AKR1C4: variants seen among roughly 807,000 people sequenced by gnomAD.
AKR1C4 encodes aldo-keto reductase family 1 member C4, also known as 3-alpha-HSD1.
In AKR1C4, 44 loss-of-function variants were observed where a neutral mutation model predicts 41.0. The ratio of observed to expected loss-of-function variants is 1.07; its 90% CI spans 0.84 to 1.38. The LOEUF (loss-of-function observed/expected upper bound fraction) is 1.38. Among genes scored for constraint, AKR1C4 ranks in the 40% most tolerant of loss-of-function variants. The pLI is 0.00. For synonymous variants in AKR1C4, 165 were observed against 137.7 expected, an observed-to-expected ratio of 1.20 and a Z score of -1.39; for missense variants, 438 against 387.9, an observed-to-expected ratio of 1.13 and a Z score of -1.09.
intron 5 of AKR1C4, chr10:5,207,567 C>A: frequency 1.3e-6 from 1 of 786,864 alleles, no homozygotes; most frequent in Non-Finnish European, 2.0e-6. Flanking sequence ...AGAAACTAGA[C>A]TTGAAGAACT....
intron 7 of AKR1C4, among the ~76,000 whole-genome samples, chr10:5,213,559 C>T (rs901750074): frequency 6.6e-6 from 1 of 152,100 alleles, no homozygotes; most frequent in Non-Finnish European, 1.5e-5. Context: ...TGTTGAGTGC[C>T]TGTTGAAATC....
intron 1 of AKR1C4, 50 bp from the exon 2 acceptor site, chr10:5,200,131 A>G (rs1832374486): frequency 1.3e-6 from 2 of 1,568,868 alleles, no homozygotes; most frequent in Non-Finnish European, 1.7e-6. Context: ...CTGTTTCACT[A>G]CCTCTCAAGC....
intron 7 of AKR1C4, among the ~76,000 whole-genome samples, chr10:5,215,496 G>A (rs183556738): frequency 2.0e-5 from 3 of 152,282 alleles, no homozygotes; most frequent in East Asian, 1.9e-4. Flanking sequence ...GAGGCTTCAG[G>A]AAGCTTTAAG....
At position 5,202,503 on chromosome 10, in the gene AKR1C4, C is replaced by T. The variant is rs782175587; in HGVS notation, c.253-1874C>T. The stretch of plus-strand genomic sequence containing the variant: ...ATTTGGATTCCCTTTATTTTTTTTA[C>T]CTTGCCTGATTACTCTGGCTAGGAC... On this transcript the variant is annotated intron_variant, in intron 2 of 8. Coordinates refer to ENST00000263126, the MANE Select transcript of AKR1C4 (RefSeq NM_001818.5). 3.5e-5 allele frequency: 16 copies of T among 455,400 alleles called. 1 individual carries two copies. Among genetic ancestry groups the T allele is most frequent in the Middle Eastern group, 3.4e-4 (1 of 2,908 alleles). 28.2% of individuals were successfully genotyped at this position (455,400 alleles called of 1,614,324 possible). A position where few individuals can be genotyped will look rare whatever the true frequency, so the allele number is the denominator to read the frequency against.
At chr10:5,217,424 T>G (rs1458027688) in intron 8 of AKR1C4, among the ~76,000 whole-genome samples, 2 of 152,220 alleles carry the variant, frequency 1.3e-5, no homozygotes, top group Non-Finnish European at 2.9e-5. Context: ...TATGGAAATC[T>G]CAATGCAGAG....
rs1832694555 is a variant in AKR1C4 at position 5,218,788 on chromosome 10, A to G, written c.*28A>G. 1.3e-6 allele frequency: 2 copies of G among 1,589,162 alleles called. No individual in the cohort carries two copies. The highest frequency in any genetic ancestry group is 1.3e-5 in the African/African-American group (1 of 74,334). ...TAGAGGGTGTTGCACGACATCTAGCAGAAGGCCCTGTGTGTGGATGGTGAT... is the reference window on the plus strand; with the variant it reads ...TAGAGGGTGTTGCACGACATCTAGCGGAAGGCCCTGTGTGTGGATGGTGAT... On this transcript the variant is annotated 3_prime_UTR_variant, in exon 9 of 9. Coordinates refer to ENST00000263126, the MANE Select transcript of AKR1C4 (RefSeq NM_001818.5).
chr10:5,200,435 G>C, intron 2 of AKR1C4, 87 bp downstream of exon 2: 5 of 1,503,588 alleles, frequency 3.3e-6, no homozygotes, highest in Non-Finnish European at 4.4e-6. Context: ...CAGTAGTTGT[G>C]GGTGAATTGT....
intron 4 of AKR1C4, 42 bp from the exon 5 acceptor site, chr10:5,206,233 G>A (rs1832482696): frequency 1.9e-6 from 3 of 1,613,168 alleles, no homozygotes; most frequent in Non-Finnish European, 2.5e-6. Flanking sequence ...ATAATCTGCA[G>A]CCAACTGCAC....
Position 5,218,761 on chromosome 10 carries a change from C to T in AKR1C4, c.*1C>T, listed in dbSNP as rs782331775. 4 of 1,604,278 alleles carry T rather than the reference C, an allele frequency of 2.5e-6. 1 individual carries two copies. The South Asian group carries it at 4.4e-5, about 18-fold the overall frequency. ...TTATCCATTTTCAGATGAATATTAG[C>T]ATAGAGGGTGTTGCACGACATCTAG... On this transcript the variant is annotated 3_prime_UTR_variant, in exon 9 of 9. Transcript: ENST00000263126.
Position 5,205,825 on chromosome 10 carries a change from C to T in AKR1C4, c.438C>T (p.Ala146=). The T allele has an allele frequency of 6.2e-7, 1 of 1,612,666 alleles. No homozygotes were observed. Among genetic ancestry groups the T allele is most frequent in the Non-Finnish European group, 8.5e-7 (1 of 1,179,106 alleles). ...TATTCGACACAGTGGATCTCTCTGC[C>T]ACATGGGAGGTGAGTGCTTGGAGGA... is the stretch of plus-strand genomic sequence containing the variant. ...KVIFDTVDLS[A]TWEVMEKCKD... The change falls in exon 4 of 9, where the codon GCC becomes GCT. Residue 146 remains alanine (A), a synonymous_variant. Coordinates refer to ENST00000263126, the MANE Select transcript of AKR1C4 (RefSeq NM_001818.5).
intron 5 of AKR1C4, among the ~76,000 whole-genome samples, chr10:5,208,993 TG>T (rs1832530747): frequency 6.8e-6 from 1 of 146,676 alleles, no homozygotes. Flanking sequence ...AATTTAAGTT[TG>T]TGTAGATTAG....
intron 7 of AKR1C4, among the ~76,000 whole-genome samples, chr10:5,213,529 T>C (rs943209390): frequency 1.3e-5 from 2 of 152,240 alleles, no homozygotes; most frequent in African/African-American, 4.8e-5. Flanking sequence ...ATTTCATATA[T>C]TTATTCTCTT....
chr10:5,211,416 C>A (rs1832573934), intron 5 of AKR1C4, among the ~76,000 whole-genome samples: 1 of 152,122 alleles, frequency 6.6e-6, no homozygotes, highest in Non-Finnish European at 1.5e-5. Flanking sequence ...TTTCTTTGAC[C>A]AGATATCCTA....
chr10:5,214,397 G>A (rs1233488790), intron 7 of AKR1C4, among the ~76,000 whole-genome samples: 2 of 152,184 alleles, frequency 1.3e-5, no homozygotes, highest in South Asian at 2.1e-4. Context: ...GGCTTGGCTA[G>A]TCCTGAATGA....
intron 8 of AKR1C4, 46 bp downstream of exon 8, chr10:5,216,839 G>A (rs1554798571): frequency 7.1e-6 from 10 of 1,410,700 alleles, no homozygotes; most frequent in Non-Finnish European, 9.9e-6. Flanking sequence ...TTTTAGAGGA[G>A]GAATGTCAGA....
At chr10:5,203,006 T>C (rs11594428) in intron 2 of AKR1C4, among the ~76,000 whole-genome samples, 29,431 of 149,974 alleles carry the variant, frequency 0.2, 3,019 homozygotes, top group Admixed American at 0.22. Context: ...GGTATTGGTA[T>C]TTGGTGATAC....
chr10:5,216,620 T>G lies in AKR1C4; in HGVS notation c.847-91T>G, dbSNP rs868912910. The G allele has an allele frequency of 2.0e-4, 165 of 839,248 alleles. 3 individuals carry two copies. The highest frequency in any genetic ancestry group is 9.3e-4 in the Middle Eastern group (3 of 3,232). 52.0% of individuals were successfully genotyped at this position (839,248 alleles called of 1,614,324 possible). On this transcript the variant is annotated intron_variant, in intron 7 of 8. Coordinates refer to ENST00000263126, the MANE Select transcript of AKR1C4 (RefSeq NM_001818.5). ...GGAAACTTATCAAGTATTTTACATA[T>G]TGCCTCTACACCCTACTGTGTGATA...
intron 7 of AKR1C4, among the ~76,000 whole-genome samples, chr10:5,214,035 T>C (rs543126936): frequency 6.6e-6 from 1 of 151,934 alleles, no homozygotes; most frequent in East Asian, 1.9e-4. Flanking sequence ...TATAGTAAAA[T>C]ATTATGTAGT....
rs540233357 is a variant in AKR1C4, at chr10:5,218,092, CCAAT to C, written c.930-621_930-618del. Among the ~76,000 whole-genome samples, 330 of 152,280 alleles carry C rather than the reference CCAAT, an allele frequency of 2.2e-3. 2 individuals are homozygous for C. The highest frequency in any genetic ancestry group is 7.4e-3 in the African/African-American group (308 of 41,550). On this transcript the variant is annotated intron_variant, in intron 8 of 8. Transcript: ENST00000263126. ...GAGTGGCAAACATCAGTAATTCTCA[CCAAT>C]CAATTATTCAATATTAATGAATCAT...
Sources: allele counts gnomAD v4.1 joint callset (sites outside exome capture counted in the v4.1 genomes callset), GRCh38; gene constraint gnomAD v4.1.1; transcripts MANE v1.5; gene names NCBI Gene and HGNC (gene_info 2026-07-23, HGNC 2026-07-21).